DLC1: variants seen among roughly 807,000 people sequenced by gnomAD.
The protein encoded by DLC1 is DLC1 Rho GTPase activating protein, also known as rho GTPase-activating protein 7.
In DLC1, 54 loss-of-function variants were observed where a neutral mutation model predicts 140.3. The ratio of observed to expected loss-of-function variants is 0.38; its 90% CI spans 0.31 to 0.48. The LOEUF (loss-of-function observed/expected upper bound fraction) is 0.48. Among genes scored for constraint, DLC1 ranks in the 20% least tolerant of loss-of-function variants. The pLI, the probability that DLC1 is intolerant of heterozygous loss-of-function variation, is 0.96. For synonymous variants in DLC1, 986 were observed against 728.1 expected, an observed-to-expected ratio of 1.35 and a Z score of -5.70; for missense variants, 2,536 against 1,907.0, an observed-to-expected ratio of 1.33 and a Z score of -6.14.
At chr8:13,399,495 C>A (rs1210878433) in intron 3 of DLC1, among the ~76,000 whole-genome samples, 1 of 152,154 alleles carries the variant, frequency 6.6e-6, no homozygotes. Context: ...AATGAAGTAA[C>A]TTACATAAAG....
At chr8:13,086,178 A>C in intron 17 of DLC1, 112 bp downstream of exon 17, 1 of 1,427,638 alleles carries the variant, frequency 7.0e-7, no homozygotes, top group Non-Finnish European at 9.4e-7. Flanking sequence ...ATTCTTCATG[A>C]AGTCACCAAG....
At chr8:13,402,361 C>G (rs181871774) in intron 2 of DLC1, among the ~76,000 whole-genome samples, 3 of 152,108 alleles carry the variant, frequency 2.0e-5, no homozygotes, top group Non-Finnish European at 4.4e-5. Context: ...CATGACTCAA[C>G]CATTCTGGTG....
intron 7 of DLC1, among the ~76,000 whole-genome samples, chr8:13,110,373 C>G (rs758483347): frequency 6.6e-6 from 1 of 152,090 alleles, no homozygotes; most frequent in African/African-American, 2.4e-5. Context: ...TCAAATGATG[C>G]TCCTGTCTTT....
intron 2 of DLC1, among the ~76,000 whole-genome samples, chr8:13,496,818 T>A (rs939698655): frequency 8.1e-4 from 12 of 14,880 alleles, no homozygotes; most frequent in South Asian, 1.9e-3. Context: ...TTTTTTTTTT[T>A]GAGATGGAGT....
intron 7 of DLC1, among the ~76,000 whole-genome samples, chr8:13,103,839 C>CAAAAAAA (rs1002564334): frequency 1.6e-5 from 1 of 60,758 alleles, no homozygotes; most frequent in African/African-American, 5.0e-5. Flanking sequence ...GACTCCATCT[C>CAAAAAAA]AAAAAAAAAA....
At chr8:13,244,826 T>C (rs1000300571) in intron 5 of DLC1, among the ~76,000 whole-genome samples, 1 of 152,194 alleles carries the variant, frequency 6.6e-6, no homozygotes, top group African/African-American at 2.4e-5. Flanking sequence ...TGTTATAGTA[T>C]ATTGTAATTG....
rs571872842 is a variant in DLC1, at chr8:13,122,431, T to C, written c.1349-6774A>G. On this transcript the variant is annotated intron_variant, in intron 5 of 17. Coordinates refer to ENST00000276297, the MANE Select transcript of DLC1 (RefSeq NM_182643.3). ...CTTCTCACTTTTTAATTCATTTGTATATCCCGAAAGACAACTTTTTGCACA... is the reference window on the plus strand; with the variant it reads ...CTTCTCACTTTTTAATTCATTTGTACATCCCGAAAGACAACTTTTTGCACA... Among the ~76,000 whole-genome samples the C allele has an allele frequency of 2.6e-5, 4 of 152,242 alleles. No individual in the cohort carries two copies. The South Asian group carries it at 8.3e-4, about 32-fold the overall frequency.
In DLC1 at chr8:13,469,989, G is replaced by C. The variant is rs535330886; in HGVS notation, c.1023+29060C>G. 5.5e-4 allele frequency among the ~76,000 whole-genome samples: 83 copies of C among 152,168 alleles called. No individual in the cohort carries two copies. The Middle Eastern group carries it at 0.01, about 19-fold the overall frequency. ...TATTTTGTATAGAAAGTGGCATTTG[G>C]ATTTCCCTCAATTTTTATTTCATTT... On this transcript the variant is annotated intron_variant, in intron 2 of 17. Transcript: ENST00000276297.
chr8:13,566,505 C>G (rs1429933839), intron 1 of DLC1, among the ~76,000 whole-genome samples: 2 of 152,140 alleles, frequency 1.3e-5, no homozygotes, highest in African/African-American at 4.8e-5. Context: ...ACACTGCAGA[C>G]AAGTTTTTGC....
At position 13,447,879 on chromosome 8, in the gene DLC1, C is replaced by A. The variant is rs1054274377; in HGVS notation, c.1024-46260G>T. ...CAAACTGTTCTCAAACATAAAAATA[C>A]CCTGTCTCTAAATTTAACATTTTTA... On this transcript the variant is annotated intron_variant, in intron 2 of 17. Transcript: ENST00000276297. Among the ~76,000 whole-genome samples the A allele has an allele frequency of 4.6e-5, 7 of 152,020 alleles. No homozygotes were observed. In the South Asian group the frequency reaches 1.2e-3, roughly 27 times the overall value.
intron 2 of DLC1, among the ~76,000 whole-genome samples, chr8:13,444,569 T>C (rs1403310673): frequency 6.6e-6 from 1 of 152,138 alleles, no homozygotes; most frequent in East Asian, 1.9e-4. Flanking sequence ...ACAAAGAACA[T>C]TAGTATAATT....
At chr8:13,390,327 A>G (rs58347075) in intron 4 of DLC1, among the ~76,000 whole-genome samples, 1,852 of 152,276 alleles carry the variant, frequency 0.012, 35 homozygotes, top group African/African-American at 0.042. Context: ...ATAGTATTCC[A>G]TGGTGTATAT....
intron 4 of DLC1, among the ~76,000 whole-genome samples, chr8:13,314,401 G>C (rs1268489902): frequency 6.6e-6 from 1 of 151,036 alleles, no homozygotes; most frequent in African/African-American, 2.4e-5. Flanking sequence ...TTGGTTTACA[G>C]TTTAACAGAA....
intron 4 of DLC1, among the ~76,000 whole-genome samples, chr8:13,368,488 T>C (rs991539543): frequency 6.6e-6 from 1 of 151,554 alleles, no homozygotes; most frequent in African/African-American, 2.4e-5. Flanking sequence ...TACAGTGAGA[T>C]ATTACCCAAG....
chr8:13,378,583 C>A (rs1243789213), intron 4 of DLC1, among the ~76,000 whole-genome samples: 4 of 152,024 alleles, frequency 2.6e-5, no homozygotes, highest in Non-Finnish European at 5.9e-5. Flanking sequence ...TGAATTATTT[C>A]ACTTATTTAC....
chr8:13,140,162 T>A (rs1822870281), intron 5 of DLC1, among the ~76,000 whole-genome samples: 1 of 152,188 alleles, frequency 6.6e-6, no homozygotes, highest in Admixed American at 6.6e-5. Flanking sequence ...GTTGCCCCTT[T>A]GTGTCTGGCT....
intron 2 of DLC1, among the ~76,000 whole-genome samples, chr8:13,473,160 T>C (rs760256626): frequency 6.6e-6 from 1 of 152,138 alleles, no homozygotes; most frequent in African/African-American, 2.4e-5. Context: ...GAGTATACCA[T>C]CTGCATGGAA....
chr8:13,292,962 C>A (rs539652224), intron 5 of DLC1, among the ~76,000 whole-genome samples: 61 of 152,192 alleles, frequency 4.0e-4, no homozygotes, highest in Non-Finnish European at 7.5e-4. Context: ...GTGTCTTACA[C>A]CTGTAACCCC....
chr8:13,086,174 C>G, intron 17 of DLC1, 116 bp downstream of exon 17: 3 of 1,415,476 alleles, frequency 2.1e-6, no homozygotes, highest in Non-Finnish European at 2.8e-6. Context: ...CACCATTCTT[C>G]ATGAAGTCAC....
Sources: gnomAD v4.1 joint callset for allele counts (sites outside exome capture counted in the v4.1 genomes callset) on GRCh38, gnomAD v4.1.1 for gene constraint, MANE v1.5 for transcripts, NCBI Gene and HGNC (gene_info 2026-07-23, HGNC 2026-07-21) for gene names.